INPP4B: variants seen among roughly 807,000 people sequenced by gnomAD.
INPP4B encodes the protein inositol polyphosphate-4-phosphatase type II B, also known as inositol polyphosphate 4-phosphatase type II.
In INPP4B, 55 loss-of-function variants were observed where a neutral mutation model predicts 122.5. That is an observed-to-expected ratio of 0.45 (90% CI 0.36 to 0.56). The LOEUF (loss-of-function observed/expected upper bound fraction) is 0.56. Among genes scored for constraint, INPP4B ranks in the 20% least tolerant of loss-of-function variants. INPP4B has a pLI of 0.00. For missense variants in INPP4B, 1,000 were observed against 1,097.7 expected (o/e 0.91, Z 1.26); for synonymous variants, 403 against 388.7 (o/e 1.04, Z -0.43).
rs573433489 is a variant in INPP4B, at chr4:142,531,049, C to T, written c.-190-68323G>A. ...ATAACCCTGGGGGCAAGGGTAGAAG[C>T]CAGAAGAGTAGTTGGAAGGTAACTA... On this transcript the variant is annotated intron_variant, in intron 2 of 25. Coordinates refer to ENST00000262992, the MANE Select transcript of INPP4B (RefSeq NM_001101669.3). Among the ~76,000 whole-genome samples the T allele has an allele frequency of 2.5e-4, 38 of 151,948 alleles. No homozygotes were observed. The South Asian group carries it at 4.0e-3, about 16-fold the overall frequency.
At chr4:142,071,129 G>A (rs893556129) in intron 25 of INPP4B, among the ~76,000 whole-genome samples, 13 of 151,768 alleles carry the variant, frequency 8.6e-5, no homozygotes, top group Middle Eastern at 3.2e-3. Context: ...GTACTGGTCC[G>A]AAACAGAGAT....
chr4:142,806,385 AT>A (rs1185924029), intron 1 of INPP4B, among the ~76,000 whole-genome samples: 1 of 151,904 alleles, frequency 6.6e-6, no homozygotes, highest in African/African-American at 2.4e-5. Context: ...CTCTTCAAAA[AT>A]TTAAATACAT....
At chr4:142,319,264 G>A (rs1769087156) in intron 7 of INPP4B, among the ~76,000 whole-genome samples, 1 of 148,754 alleles carries the variant, frequency 6.7e-6, no homozygotes, top group African/African-American at 2.6e-5. Context: ...TTATAGTGGA[G>A]GAACACCTCT....
chr4:142,555,536 T>G (rs77291957), intron 2 of INPP4B, among the ~76,000 whole-genome samples: 8,672 of 152,194 alleles, frequency 0.057, 295 homozygotes, highest in African/African-American at 0.071. Context: ...AGAGCTAACT[T>G]TCATAGGGTG....
chr4:142,492,005 G>A (rs1327521230), intron 2 of INPP4B, among the ~76,000 whole-genome samples: 3 of 152,132 alleles, frequency 2.0e-5, no homozygotes, highest in Non-Finnish European at 4.4e-5. Flanking sequence ...TGTGTCTTGG[G>A]AGGGACCTGG....
Position 142,355,362 on chromosome 4 carries a change from C to G in INPP4B, c.373-40600G>C, listed in dbSNP as rs78032149. ...AAGTTGAATGAGATGCAGATTTGCTCTTTTTTTTCCCCCCACCAGAATATG... is the reference window on the plus strand; with the variant it reads ...AAGTTGAATGAGATGCAGATTTGCTGTTTTTTTTCCCCCCACCAGAATATG... On this transcript the variant is annotated intron_variant, in intron 7 of 25. Coordinates refer to ENST00000262992, the MANE Select transcript of INPP4B (RefSeq NM_001101669.3). Among the ~76,000 whole-genome samples, 15 of 151,908 alleles carry G rather than the reference C, an allele frequency of 9.9e-5. No homozygotes were observed. The East Asian group carries it at 2.9e-3, about 30-fold the overall frequency.
At chr4:142,131,888 G>A (rs1467251069) in intron 18 of INPP4B, among the ~76,000 whole-genome samples, 2 of 151,902 alleles carry the variant, frequency 1.3e-5, no homozygotes, top group African/African-American at 4.8e-5. Context: ...CCGGGAGGTG[G>A]AGGTTGCAGT....
intron 7 of INPP4B, among the ~76,000 whole-genome samples, chr4:142,321,480 T>G (rs763232335): frequency 6.6e-6 from 1 of 152,144 alleles, no homozygotes; most frequent in African/African-American, 2.4e-5. Context: ...TGCTTTTGGG[T>G]TCTTGGTCAT....
At chr4:142,679,922 C>T (rs552726180) in intron 2 of INPP4B, among the ~76,000 whole-genome samples, 12 of 151,740 alleles carry the variant, frequency 7.9e-5, no homozygotes, top group South Asian at 6.2e-4. Context: ...AGATACCCTA[C>T]GGTATTATCT....
At chr4:142,619,088 G>C (rs1744321659) in intron 2 of INPP4B, among the ~76,000 whole-genome samples, 1 of 151,796 alleles carries the variant, frequency 6.6e-6, no homozygotes, top group Non-Finnish European at 1.5e-5. Context: ...GACGAAATAA[G>C]AAGTATTGGC....
chr4:142,636,496 GA>G (rs1342119009), intron 2 of INPP4B, among the ~76,000 whole-genome samples: 2 of 152,036 alleles, frequency 1.3e-5, no homozygotes, highest in African/African-American at 4.8e-5. Context: ...CCAATTCATA[GA>G]TAGGGTAGCC....
At chr4:142,049,516 T>C (rs1753333271) in intron 25 of INPP4B, among the ~76,000 whole-genome samples, 1 of 151,932 alleles carries the variant, frequency 6.6e-6, no homozygotes, top group Admixed American at 6.6e-5. Flanking sequence ...ACAAATAAGG[T>C]TGTTTTTTAC....
chr4:142,117,883 T>G (rs181985910), intron 21 of INPP4B, among the ~76,000 whole-genome samples: 1 of 152,254 alleles, frequency 6.6e-6, no homozygotes, highest in Admixed American at 6.5e-5. Context: ...TGATTGTATA[T>G]CTAGAAAACC....
At chr4:142,163,172 T>TTAACTG (rs1561338344) in intron 16 of INPP4B, among the ~76,000 whole-genome samples, 1 of 151,798 alleles carries the variant, frequency 6.6e-6, no homozygotes, top group Non-Finnish European at 1.5e-5. Flanking sequence ...GTGGTCAACC[T>TTAACTG]TGGTCTGAAA....
chr4:142,828,781 A>G (rs1437145579), intron 1 of INPP4B, among the ~76,000 whole-genome samples: 1 of 152,188 alleles, frequency 6.6e-6, no homozygotes, highest in Non-Finnish European at 1.5e-5. Context: ...AAGTGCCCAA[A>G]TAAATAAGAG....
intron 2 of INPP4B, among the ~76,000 whole-genome samples, chr4:142,641,109 A>G (rs528949669): frequency 3.3e-5 from 5 of 152,300 alleles, no homozygotes; most frequent in African/African-American, 1.2e-4. Context: ...CACGAGCCCC[A>G]AGAGACATGC....
chr4:142,625,538 G>A lies in INPP4B; in HGVS notation c.-191+100301C>T, dbSNP rs1249946135. 1.1e-4 allele frequency among the ~76,000 whole-genome samples: 17 copies of A among 152,040 alleles called. No homozygotes were observed. The East Asian group carries it at 1.9e-3, about 17-fold the overall frequency. On this transcript the variant is annotated intron_variant, in intron 2 of 25. Transcript: ENST00000262992. ...CTCATGGGTAGGAAGAATCAATATC[G>A]TGAAAATGGCCATACTGCCCAAGGT...
chr4:142,029,682 TTCTA>T, intron 25 of INPP4B: 1 of 985,748 alleles, frequency 1.0e-6, no homozygotes, highest in Non-Finnish European at 1.2e-6. Flanking sequence ...TAAAAAAAAT[TTCTA>T]TCAGCAGATG....
intron 24 of INPP4B, among the ~76,000 whole-genome samples, chr4:142,085,430 A>T (rs1776272397): frequency 6.6e-6 from 1 of 152,214 alleles, no homozygotes; most frequent in African/African-American, 2.4e-5. Flanking sequence ...TGATGGAAGG[A>T]TGCATTCCTA....
Sources: allele counts gnomAD v4.1 joint callset (sites outside exome capture counted in the v4.1 genomes callset), GRCh38; gene constraint gnomAD v4.1.1; transcripts MANE v1.5; gene names NCBI Gene and HGNC (gene_info 2026-07-23, HGNC 2026-07-21).